Variants in TLK1 observed in about 807,000 individuals in gnomAD.
The protein encoded by TLK1 is tousled like kinase 1.
Under a neutral mutation model 105.3 loss-of-function variants are expected in TLK1, and 24 were observed. The observed-to-expected ratio is 0.23, with a 90% CI of 0.17 to 0.32. TLK1 has a LOEUF of 0.32. Ranked by LOEUF, TLK1 falls within the 10% of genes least tolerant of loss-of-function variation. TLK1 has a pLI of 1.00. For synonymous variants in TLK1, 321 were observed against 310.4 expected, an observed-to-expected ratio of 1.03 and a Z score of -0.36; for missense variants, 558 against 910.5, an observed-to-expected ratio of 0.61 and a Z score of 4.98.
intron 3 of TLK1, among the ~76,000 whole-genome samples, chr2:171,069,021 G>T (rs908056921): frequency 6.6e-6 from 1 of 152,150 alleles, no homozygotes; most frequent in African/African-American, 2.4e-5. Flanking sequence ...TAAAAATCCA[G>T]TCTAAAAGCA....
intron 1 of TLK1, among the ~76,000 whole-genome samples, chr2:171,223,536 G>C (rs926328390): frequency 7.0e-6 from 1 of 142,346 alleles, no homozygotes; most frequent in Non-Finnish European, 1.5e-5. Flanking sequence ...CTGGAGTGCA[G>C]TGGCAAGATC....
At chr2:171,208,009 G>A (rs982598934) in intron 1 of TLK1, among the ~76,000 whole-genome samples, 4 of 152,192 alleles carry the variant, frequency 2.6e-5, no homozygotes, top group Admixed American at 6.5e-5. Context: ...TTACAGGTGT[G>A]AGCCACTGCG....
At chr2:171,130,709 T>C (rs1262711095) in intron 1 of TLK1, among the ~76,000 whole-genome samples, 1 of 152,054 alleles carries the variant, frequency 6.6e-6, no homozygotes, top group Non-Finnish European at 1.5e-5. Context: ...ATAAATAAAT[T>C]TTATCCACCA....
intron 3 of TLK1, among the ~76,000 whole-genome samples, chr2:171,074,363 C>T (rs920736925): frequency 6.6e-6 from 1 of 152,126 alleles, no homozygotes. Flanking sequence ...TGTAGTGGCT[C>T]ATGCCTGTAA....
At chr2:170,994,515 TTTTC>T (rs940372040) in intron 20 of TLK1, among the ~76,000 whole-genome samples, 2 of 149,834 alleles carry the variant, frequency 1.3e-5, no homozygotes, top group African/African-American at 2.5e-5. Flanking sequence ...TTTACTCAGT[TTTTC>T]TTTGAGAATA....
At chr2:171,084,296 CATTTA>C (rs1338134640) in intron 2 of TLK1, among the ~76,000 whole-genome samples, 1 of 152,088 alleles carries the variant, frequency 6.6e-6, no homozygotes, top group African/African-American at 2.4e-5. Context: ...TCCACGGTTA[CATTTA>C]AAAAGTGAGA....
At chr2:171,200,881 CTTTTT>C (rs34320208) in intron 1 of TLK1, among the ~76,000 whole-genome samples, 4 of 129,686 alleles carry the variant, frequency 3.1e-5, no homozygotes, top group Non-Finnish European at 5.0e-5. Flanking sequence ...CAGATCCCTT[CTTTTT>C]TTTTTTTTTT....
chr2:171,114,182 A>T (rs1344542076), intron 2 of TLK1, among the ~76,000 whole-genome samples: 1 of 152,132 alleles, frequency 6.6e-6, no homozygotes, highest in Non-Finnish European at 1.5e-5. Flanking sequence ...CAACTATACT[A>T]AAAAACAAAA....
intron 5 of TLK1, 76 bp from the exon 6 acceptor site, chr2:171,056,642 A>T (rs1261149502): frequency 6.0e-6 from 7 of 1,157,208 alleles, no homozygotes; most frequent in Non-Finnish European, 7.6e-6. Flanking sequence ...GACATTAAGA[A>T]TTAATCTAAA....
intron 12 of TLK1, among the ~76,000 whole-genome samples, chr2:171,023,890 ATTG>A (rs747613407): frequency 5.9e-5 from 9 of 152,316 alleles, no homozygotes; most frequent in Non-Finnish European, 1.2e-4. Context: ...ACAAAGATAA[ATTG>A]TTTTCCCATA....
intron 1 of TLK1, among the ~76,000 whole-genome samples, chr2:171,228,641 G>T (rs551638585): frequency 2.2e-4 from 33 of 152,196 alleles, no homozygotes; most frequent in Non-Finnish European, 4.3e-4. Context: ...TTGAGGTTCA[G>T]ATTGATTAAT....
chr2:171,036,684 G>C (rs545767413), intron 11 of TLK1, among the ~76,000 whole-genome samples: 1 of 152,148 alleles, frequency 6.6e-6, no homozygotes, highest in African/African-American at 2.4e-5. Flanking sequence ...CTTGCTTCTC[G>C]AGTTTCAGTT....
At chr2:171,098,738 C>T (rs1179660608) in intron 2 of TLK1, among the ~76,000 whole-genome samples, 1 of 152,062 alleles carries the variant, frequency 6.6e-6, no homozygotes, top group Non-Finnish European at 1.5e-5. Context: ...ACTAGCAAAC[C>T]AAATCCAGCA....
At chr2:171,153,994 T>C (rs1173327511) in intron 1 of TLK1, 3 of 152,068 alleles carry the variant, frequency 2.0e-5, no homozygotes, top group Non-Finnish European at 4.4e-5. Context: ...CTTGAACTGC[T>C]GGGATCAAGG....
chr2:171,086,694 GGTTTC>G (rs1260444078), intron 2 of TLK1, among the ~76,000 whole-genome samples: 1 of 151,904 alleles, frequency 6.6e-6, no homozygotes, highest in Admixed American at 6.6e-5. Context: ...GATCTGGGTA[GGTTTC>G]CTGTTTTTAC....
intron 1 of TLK1, among the ~76,000 whole-genome samples, chr2:171,147,338 A>G (rs1295133394): frequency 6.6e-6 from 1 of 152,258 alleles, no homozygotes; most frequent in African/African-American, 2.4e-5. Flanking sequence ...CTAAGAAAAC[A>G]ACAGTGACAA....
At chr2:171,185,538 C>T (rs1345585369) in intron 1 of TLK1, among the ~76,000 whole-genome samples, 2 of 152,136 alleles carry the variant, frequency 1.3e-5, no homozygotes, top group African/African-American at 2.4e-5. Flanking sequence ...ACTTTCAATC[C>T]TTTGTATCTT....
chr2:171,200,530 G>A (rs1693379278), intron 1 of TLK1, among the ~76,000 whole-genome samples: 1 of 152,196 alleles, frequency 6.6e-6, no homozygotes, highest in Non-Finnish European at 1.5e-5. Flanking sequence ...ATTCAGGCAA[G>A]CTAAATAAAA....
At chr2:171,068,708 A>T (rs936468475) in intron 3 of TLK1, among the ~76,000 whole-genome samples, 1 of 152,164 alleles carries the variant, frequency 6.6e-6, no homozygotes, top group African/African-American at 2.4e-5. Context: ...TTTATATATA[A>T]AATAGTACGT....
Sources: allele counts gnomAD v4.1 joint callset (sites outside exome capture counted in the v4.1 genomes callset), GRCh38; gene constraint gnomAD v4.1.1; transcripts MANE v1.5; gene names NCBI Gene and HGNC (gene_info 2026-07-23, HGNC 2026-07-21).